PLCL2: variants seen among roughly 807,000 people sequenced by gnomAD.
PLCL2 encodes the protein phospholipase C like 2.
PLCL2 carries 4 observed loss-of-function variants against 79.6 expected under a neutral mutation model. The ratio of observed to expected loss-of-function variants is 0.05; its 90% CI spans 0.02 to 0.11. The LOEUF (loss-of-function observed/expected upper bound fraction) is 0.11. Ranked by LOEUF, PLCL2 falls within the 10% of genes least tolerant of loss-of-function variation. The probability of loss-of-function intolerance (pLI) is 1.00; values close to 1 mark genes in which losing one functional copy is unlikely to be tolerated. For synonymous variants in PLCL2, 484 were observed against 457.7 expected, an observed-to-expected ratio of 1.06 and a Z score of -0.73; for missense variants, 895 against 1,291.0, an observed-to-expected ratio of 0.69 and a Z score of 4.70.
intron 1 of PLCL2, among the ~76,000 whole-genome samples, chr3:16,899,275 C>T (rs1388882581): frequency 6.6e-6 from 1 of 152,186 alleles, no homozygotes; most frequent in Non-Finnish European, 1.5e-5. Flanking sequence ...AACAGTTGAG[C>T]ATCTACCTTC....
intron 1 of PLCL2, among the ~76,000 whole-genome samples, chr3:17,000,108 A>G (rs2064193363): frequency 6.6e-6 from 1 of 152,176 alleles, no homozygotes. Flanking sequence ...GTGACCTTTC[A>G]AAGACTAACA....
chr3:16,953,681 C>G (rs572802011), intron 1 of PLCL2, among the ~76,000 whole-genome samples: 2 of 152,014 alleles, frequency 1.3e-5, no homozygotes, highest in South Asian at 4.2e-4. Context: ...CTGGATAATC[C>G]CAAAGTGGGC....
In PLCL2 at chr3:16,948,301, C is replaced by G. The variant is rs546453955; in HGVS notation, c.328-61373C>G. Reference sequence around the variant, plus strand: ...TTATAAATCCGTTTATATGAAATGTCTGCAATAGGGCAGATCTGTGTGGGG... The same window carrying G: ...TTATAAATCCGTTTATATGAAATGTGTGCAATAGGGCAGATCTGTGTGGGG... On this transcript the variant is annotated intron_variant, in intron 1 of 5. Transcript: ENST00000615277. Among the ~76,000 whole-genome samples the G allele has an allele frequency of 3.9e-4, 59 of 151,680 alleles. 2 individuals are homozygous for G. In the South Asian group the frequency reaches 9.6e-3, roughly 25 times the overall value.
intron 1 of PLCL2, among the ~76,000 whole-genome samples, chr3:16,952,123 G>C (rs1473922678): frequency 1.3e-5 from 2 of 151,590 alleles, no homozygotes; most frequent in Non-Finnish European, 2.9e-5. Context: ...AGTGGGAGTT[G>C]AACAATGAGA....
At chr3:17,031,929 CTT>C (rs35640259) in intron 3 of PLCL2, among the ~76,000 whole-genome samples, 72 of 109,032 alleles carry the variant, frequency 6.6e-4, no homozygotes, top group Middle Eastern at 4.9e-3. Context: ...CAATTTTCAC[CTT>C]TTTTTTTTTT....
intron 4 of PLCL2, among the ~76,000 whole-genome samples, chr3:17,054,432 G>A (rs909934323): frequency 1.2e-4 from 18 of 151,926 alleles, no homozygotes; most frequent in African/African-American, 4.4e-4. Flanking sequence ...TCCAACTTTT[G>A]CCCATTACCA....
At chr3:17,062,353 CA>C (rs2064961243) in intron 4 of PLCL2, among the ~76,000 whole-genome samples, 1 of 152,184 alleles carries the variant, frequency 6.6e-6, no homozygotes, top group Admixed American at 6.5e-5. Context: ...TAGCACATAG[CA>C]ATTGTGTCAC....
At chr3:16,964,962 C>T (rs1294919783) in intron 1 of PLCL2, among the ~76,000 whole-genome samples, 1 of 151,978 alleles carries the variant, frequency 6.6e-6, no homozygotes, top group African/African-American at 2.4e-5. Flanking sequence ...TTCTCCCATT[C>T]TGTAGGTTGC....
At chr3:17,037,359 T>G (rs1263039491) in intron 3 of PLCL2, among the ~76,000 whole-genome samples, 1 of 152,192 alleles carries the variant, frequency 6.6e-6, no homozygotes, top group Non-Finnish European at 1.5e-5. Context: ...GCACCATTTT[T>G]GTAAGTCCAT....
At chr3:17,060,405 T>C (rs1472226058) in intron 4 of PLCL2, among the ~76,000 whole-genome samples, 1 of 152,158 alleles carries the variant, frequency 6.6e-6, no homozygotes, top group African/African-American at 2.4e-5. Flanking sequence ...TTAAAATAAT[T>C]TGGCTTTTGT....
At chr3:17,076,655 A>T (rs947681133) in intron 5 of PLCL2, among the ~76,000 whole-genome samples, 2 of 151,996 alleles carry the variant, frequency 1.3e-5, no homozygotes, top group African/African-American at 4.8e-5. Context: ...GGCACGTGCT[A>T]CCATGCCTGG....
At chr3:17,049,995 A>G (rs1336272064) in intron 4 of PLCL2, among the ~76,000 whole-genome samples, 4 of 152,200 alleles carry the variant, frequency 2.6e-5, no homozygotes, top group Admixed American at 6.5e-5. Context: ...ACATAGACCA[A>G]TGGAACAGAA....
intron 1 of PLCL2, among the ~76,000 whole-genome samples, chr3:16,936,942 TTTTGAA>T (rs1466312210): frequency 1.3e-5 from 2 of 152,146 alleles, no homozygotes; most frequent in African/African-American, 4.8e-5. Flanking sequence ...ACTATGAACA[TTTTGAA>T]CTGGATAATT....
chr3:16,993,907 G>C (rs9810017), intron 1 of PLCL2, among the ~76,000 whole-genome samples: 91,613 of 151,912 alleles, frequency 0.6, 28,069 homozygotes, highest in African/African-American at 0.71. Flanking sequence ...ATGTTCTGTG[G>C]CATATTATTT....
chr3:17,084,430 C>T (rs1187745862), intron 5 of PLCL2, among the ~76,000 whole-genome samples: 1 of 152,196 alleles, frequency 6.6e-6, no homozygotes. Context: ...CTAACTCATT[C>T]TACCAACCCA....
At chr3:16,905,717 A>G (rs1696734531) in intron 1 of PLCL2, among the ~76,000 whole-genome samples, 1 of 152,238 alleles carries the variant, frequency 6.6e-6, no homozygotes, top group African/African-American at 2.4e-5. Context: ...AAACAGCCAA[A>G]CAACTGATTC....
intron 1 of PLCL2, among the ~76,000 whole-genome samples, chr3:16,956,205 C>G (rs958138529): frequency 1.3e-5 from 2 of 152,140 alleles, no homozygotes; most frequent in Admixed American, 1.3e-4. Flanking sequence ...TACGTCCCAT[C>G]AATACCTAAT....
chr3:17,004,703 G>A (rs960182485), intron 1 of PLCL2, among the ~76,000 whole-genome samples: 3 of 152,082 alleles, frequency 2.0e-5, no homozygotes, highest in Non-Finnish European at 4.4e-5. Flanking sequence ...TTTCAATTCA[G>A]AGTTATTGTT....
intron 1 of PLCL2, among the ~76,000 whole-genome samples, chr3:16,975,614 C>T (rs2063917486): frequency 6.6e-6 from 1 of 152,130 alleles, no homozygotes; most frequent in Non-Finnish European, 1.5e-5. Flanking sequence ...GACACAGGCC[C>T]ATACTGGAAT....
Sources: allele counts gnomAD v4.1 joint callset (sites outside exome capture counted in the v4.1 genomes callset), GRCh38; gene constraint gnomAD v4.1.1; transcripts MANE v1.5; gene names NCBI Gene and HGNC (gene_info 2026-07-23, HGNC 2026-07-21).